The following VEPH1 variants were observed in gnomAD, a reference collection of about 807,000 sequenced individuals.
VEPH1 encodes the protein ventricular zone-expressed PH domain-containing protein homolog 1.
VEPH1 carries 80 observed loss-of-function variants against 85.2 expected under a neutral mutation model. The ratio of observed to expected loss-of-function variants is 0.94; its 90% confidence interval spans 0.78 to 1.13. The LOEUF (loss-of-function observed/expected upper bound fraction) is 1.13. Among genes scored for constraint, VEPH1 ranks in the 50% most tolerant of loss-of-function variants. The pLI is 0.00. For synonymous variants in VEPH1, 297 were observed against 348.0 expected, an observed-to-expected ratio of 0.85 and a Z score of 1.63; for missense variants, 955 against 980.5, an observed-to-expected ratio of 0.97 and a Z score of 0.35.
In VEPH1 at chr3:157,313,692, C is replaced by G; in HGVS notation, c.1939G>C (p.Glu647Gln). The part of the protein sequence containing the change: ...HSVQFLRALW[E>Q]KTQAGGAHSF... ...TGAGCACCCCCTGCCTGGGTCTTCT[C>G]CCACAGAGCTCTGAGGAATTGCACA... Residue 647 changes from glutamate (E) to glutamine (Q), a missense_variant, in exon 11 of 14, where the codon GAG becomes CAG. Physicochemically the swap from Glu to Gln is conservative, Grantham distance 29. Transcript: ENST00000362010. The G allele has an allele frequency of 6.2e-7, 1 of 1,614,084 alleles. No individual in the cohort carries two copies. Among genetic ancestry groups the G allele is most frequent in the Non-Finnish European group, 8.5e-7 (1 of 1,180,020 alleles).
intron 12 of VEPH1, among the ~76,000 whole-genome samples, chr3:157,267,436 A>AT (rs112386426): frequency 4.5e-4 from 68 of 150,322 alleles, no homozygotes; most frequent in African/African-American, 1.3e-3. Context: ...TATTAAGGCT[A>AT]TTTTTTTTTC....
intron 4 of VEPH1, chr3:157,442,681 T>C: frequency 6.2e-7 from 1 of 1,614,140 alleles, no homozygotes. Flanking sequence ...CTCACATCCT[T>C]GTGGGTAAAT....
intron 12 of VEPH1, among the ~76,000 whole-genome samples, chr3:157,267,092 T>TC (rs1484436280): frequency 9.0e-6 from 1 of 111,176 alleles, no homozygotes; most frequent in Non-Finnish European, 1.8e-5. Flanking sequence ...CTTTTCTTTT[T>TC]CTTTTTTTTC....
rs190167345 is a variant in VEPH1, at chr3:157,464,123, T to C, written c.355-3768A>G. ...GTCATTTTTCTCAATTATGATCATATCCTGTCCCTGCTCCCTTGACTTACA... is the reference window on the plus strand; with the variant it reads ...GTCATTTTTCTCAATTATGATCATACCCTGTCCCTGCTCCCTTGACTTACA... On this transcript the variant is annotated intron_variant, in intron 3 of 13. Transcript: ENST00000362010. Among the ~76,000 whole-genome samples, 191 of 152,358 alleles carry C rather than the reference T, an allele frequency of 1.3e-3. 1 individual carries two copies. Among genetic ancestry groups the C allele is most frequent in the Non-Finnish European group, 2.3e-3 (158 of 68,030 alleles).
At chr3:157,318,614 C>T (rs899430800) in intron 9 of VEPH1, among the ~76,000 whole-genome samples, 1 of 86,700 alleles carries the variant, frequency 1.2e-5, no homozygotes, top group Non-Finnish European at 2.4e-5. Context: ...CCCAAAAAAA[C>T]AAAACAAAAC....
In VEPH1 at chr3:157,314,330, CA is replaced by C. The variant is rs34703314; in HGVS notation, c.1876-576del. Reference sequence around the variant, plus strand: ...CCTGGGTGACAGAGGGAGGATCCGTCAAAAAAAAAAAAAAAAAAAAAAAAAA... The same window carrying C: ...CCTGGGTGACAGAGGGAGGATCCGTCAAAAAAAAAAAAAAAAAAAAAAAAA... On this transcript the variant is annotated intron_variant, in intron 10 of 13. Transcript: ENST00000362010. Among the ~76,000 whole-genome samples the C allele has an allele frequency of 6.2e-3, 267 of 43,100 alleles. 1 individual carries two copies. The highest frequency in any genetic ancestry group is 0.018 in the Middle Eastern group (1 of 56). The allele number at this position is 43,100 out of a possible 152,430, so 28.3% of individuals were successfully genotyped here.
intron 9 of VEPH1, among the ~76,000 whole-genome samples, chr3:157,339,068 C>G (rs1160584570): frequency 2.0e-5 from 3 of 152,188 alleles, no homozygotes; most frequent in Non-Finnish European, 4.4e-5. Flanking sequence ...CTAGTTCTGG[C>G]CCTGGGACTC....
chr3:157,494,535 G>A (rs958555700), intron 2 of VEPH1, among the ~76,000 whole-genome samples: 4 of 152,284 alleles, frequency 2.6e-5, no homozygotes, highest in Middle Eastern at 3.4e-3. Context: ...GAAGAGAAGC[G>A]AAGGAATGCA....
chr3:157,413,506 T>C, intron 6 of VEPH1: 2 of 985,420 alleles, frequency 2.0e-6, no homozygotes, highest in Non-Finnish European at 2.4e-6. Flanking sequence ...ACAGCTCTTT[T>C]ATTGGTTGTT....
chr3:157,296,779 A>G (rs1408945220), intron 11 of VEPH1, among the ~76,000 whole-genome samples: 2 of 152,234 alleles, frequency 1.3e-5, no homozygotes, highest in Non-Finnish European at 2.9e-5. Flanking sequence ...TGGAGTCAGA[A>G]GATCAGAGTT....
intron 6 of VEPH1, among the ~76,000 whole-genome samples, chr3:157,413,039 T>C (rs553205892): frequency 2.0e-4 from 31 of 152,286 alleles, no homozygotes; most frequent in African/African-American, 7.2e-4. Flanking sequence ...CAATGAACTA[T>C]GAAATTCCTT....
intron 9 of VEPH1, among the ~76,000 whole-genome samples, chr3:157,339,627 A>G (rs1723313267): frequency 6.6e-6 from 1 of 152,202 alleles, no homozygotes; most frequent in Admixed American, 6.5e-5. Context: ...ATCTGTCTGG[A>G]GAACATCAGA....
chr3:157,291,032 G>A (rs17388811), intron 11 of VEPH1, among the ~76,000 whole-genome samples: 1,955 of 152,276 alleles, frequency 0.013, 24 homozygotes, highest in Non-Finnish European at 0.02. Flanking sequence ...CCAGAAATCA[G>A]TGAAAGCATA....
At chr3:157,495,154 A>G in intron 2 of VEPH1, 58 bp downstream of exon 2, 1 of 1,536,808 alleles carries the variant, frequency 6.5e-7, no homozygotes, top group Non-Finnish European at 8.9e-7. Context: ...ATATAAACAA[A>G]TCTCTAGCTC....
intron 6 of VEPH1, among the ~76,000 whole-genome samples, chr3:157,389,340 CA>C (rs533998108): frequency 3.3e-5 from 5 of 150,790 alleles, no homozygotes; most frequent in South Asian, 2.1e-4. Flanking sequence ...CAAAAACAAA[CA>C]AAAAAAAGCA....
At position 157,363,483 on chromosome 3, in the gene VEPH1, C is replaced by A; in HGVS notation, c.1616G>T (p.Ser539Ile). The A allele has an allele frequency of 6.2e-7, 1 of 1,614,012 alleles. No homozygotes were observed. The highest frequency in any genetic ancestry group is 8.5e-7 in the Non-Finnish European group (1 of 1,179,992). ...GAGCTTATCTTGGTATTCTATAGGA[C>A]TTGCAGTTGTCTCTGGAGTTTCTTC... is the stretch of plus-strand genomic sequence containing the variant. ...SQEETPETTA[S>I]PIEYQDKLYL... The change falls in exon 9 of 14, where the codon AGT becomes ATT. Residue 539 changes from serine to isoleucine, a missense_variant. Ser to Ile is a moderately radical substitution (Grantham distance 142, BLOSUM62 -2). Coordinates refer to ENST00000362010, the MANE Select transcript of VEPH1 (RefSeq NM_001167912.2).
chr3:157,438,907 C>T (rs547357210), intron 4 of VEPH1, among the ~76,000 whole-genome samples: 1 of 152,268 alleles, frequency 6.6e-6, no homozygotes, highest in Admixed American at 6.5e-5. Flanking sequence ...TGCACTTTTC[C>T]TGAGAATCCT....
rs1327078166 is a variant in VEPH1, at chr3:157,470,543, A to C, written c.139-14T>G. The C allele has an allele frequency of 3.1e-6, 5 of 1,610,712 alleles. No individual in the cohort carries two copies. The highest frequency in any genetic ancestry group is 1.7e-5 in the Admixed American group (1 of 59,968). On this transcript the variant is annotated splice_polypyrimidine_tract_variant and intron_variant, in intron 2 of 13. Coordinates refer to ENST00000362010, the MANE Select transcript of VEPH1 (RefSeq NM_001167912.2). ...GGTTTGGTAATCCTGTTTGGAAAGA[A>C]AATCTTCATGTTAAATAATACTCTA... is the stretch of plus-strand genomic sequence containing the variant.
intron 7 of VEPH1, among the ~76,000 whole-genome samples, chr3:157,377,805 C>T (rs926113394): frequency 1.6e-4 from 25 of 152,164 alleles, no homozygotes; most frequent in African/African-American, 5.1e-4. Flanking sequence ...AAATTACTCA[C>T]TCTCAGGCAG....
Sources: gnomAD v4.1 joint callset for allele counts (sites outside exome capture counted in the v4.1 genomes callset) on GRCh38, gnomAD v4.1.1 for gene constraint, MANE v1.5 for transcripts, NCBI Gene and HGNC (gene_info 2026-07-23, HGNC 2026-07-21) for gene names.